FBXL17: variants seen among roughly 807,000 people sequenced by gnomAD.
FBXL17 encodes F-box/LRR-repeat protein 17.
In FBXL17, 22 loss-of-function variants were observed where a neutral mutation model predicts 66.2. The observed-to-expected ratio is 0.33, with a 90% confidence interval of 0.24 to 0.47. The LOEUF (loss-of-function observed/expected upper bound fraction) is 0.47, where lower values mean the gene tolerates loss of function less well. Among genes scored for constraint, FBXL17 ranks in the 20% least tolerant of loss-of-function variants. The pLI is 1.00. For missense variants in FBXL17, 878 were observed against 948.2 expected, an observed-to-expected ratio of 0.93 and a Z score of 0.97; for synonymous variants, 474 against 400.5, an observed-to-expected ratio of 1.18 and a Z score of -2.19.
intron 4 of FBXL17, among the ~76,000 whole-genome samples, chr5:108,289,801 C>T (rs535540604): frequency 1.5e-4 from 23 of 152,194 alleles, no homozygotes; most frequent in African/African-American, 5.5e-4. Flanking sequence ...GCCTAACAGC[C>T]ACGATAACAT....
intron 7 of FBXL17, among the ~76,000 whole-genome samples, chr5:108,018,174 G>A (rs1754454810): frequency 3.9e-5 from 6 of 152,082 alleles, no homozygotes; most frequent in Admixed American, 3.9e-4. Flanking sequence ...CAGAATCATG[G>A]GGTAGTCTCT....
chr5:108,362,084 G>A (rs1326668390), intron 3 of FBXL17, among the ~76,000 whole-genome samples: 4 of 152,088 alleles, frequency 2.6e-5, no homozygotes, highest in African/African-American at 9.7e-5. Context: ...GATAGTTTAG[G>A]CTTGTTTTTC....
intron 6 of FBXL17, among the ~76,000 whole-genome samples, chr5:108,153,584 G>A (rs1751852928): frequency 1.3e-5 from 2 of 152,014 alleles, no homozygotes; most frequent in Non-Finnish European, 2.9e-5. Context: ...CAGCCTTCAC[G>A]TTGCTGATCT....
At position 108,021,029 on chromosome 5, in the gene FBXL17, A is replaced by T. The variant is rs766629293; in HGVS notation, c.1746-28T>A. The T allele has an allele frequency of 1.9e-6, 3 of 1,538,658 alleles. No individual in the cohort carries two copies. The East Asian group carries it at 6.8e-5, about 35-fold the overall frequency. On this transcript the variant is annotated intron_variant, in intron 6 of 8. Transcript: ENST00000542267. ...GAAACATACAAAAAGTGGTTATACT[A>T]ATGCGTTTCAAGTTAAATTAGCAGG...
chr5:107,866,064 A>T (rs1344780141), intron 8 of FBXL17, among the ~76,000 whole-genome samples: 1 of 146,000 alleles, frequency 6.8e-6, no homozygotes, highest in Admixed American at 7.1e-5. Flanking sequence ...TATGTAATAT[A>T]AAAAGGGAAC....
chr5:107,949,557 T>G (rs936619596), intron 7 of FBXL17, among the ~76,000 whole-genome samples: 1 of 152,192 alleles, frequency 6.6e-6, no homozygotes, highest in Non-Finnish European at 1.5e-5. Context: ...TTATTAGAAC[T>G]ATCCAAAAAT....
intron 8 of FBXL17, among the ~76,000 whole-genome samples, chr5:107,865,236 GT>G (rs1163589134): frequency 1.3e-5 from 2 of 152,204 alleles, no homozygotes; most frequent in Non-Finnish European, 2.9e-5. Flanking sequence ...CAGGCAATTT[GT>G]TTTGGAGGGC....
intron 5 of FBXL17, among the ~76,000 whole-genome samples, chr5:108,186,723 C>T (rs562188371): frequency 6.7e-6 from 1 of 150,306 alleles, no homozygotes; most frequent in East Asian, 2.0e-4. Context: ...GAGCCCAGAT[C>T]GCATCACTGC....
chr5:108,060,202 C>A (rs1747868665), intron 6 of FBXL17, among the ~76,000 whole-genome samples: 1 of 151,546 alleles, frequency 6.6e-6, no homozygotes, highest in Non-Finnish European at 1.5e-5. Flanking sequence ...AGATATATCA[C>A]CACTAAAAAT....
intron 4 of FBXL17, among the ~76,000 whole-genome samples, chr5:108,307,970 CAT>C (rs1437081264): frequency 6.6e-6 from 1 of 151,966 alleles, no homozygotes; most frequent in African/African-American, 2.4e-5. Context: ...TAACGGAAAA[CAT>C]AATAAAATAT....
At chr5:108,172,982 G>A (rs1195802362) in intron 6 of FBXL17, among the ~76,000 whole-genome samples, 2 of 151,684 alleles carry the variant, frequency 1.3e-5, no homozygotes, top group African/African-American at 4.8e-5. Flanking sequence ...TATTTTTTTA[G>A]TAAAGACGGG....
chr5:107,867,255 A>G (rs1299021343), intron 8 of FBXL17, among the ~76,000 whole-genome samples: 1 of 152,206 alleles, frequency 6.6e-6, no homozygotes, highest in Admixed American at 6.5e-5. Flanking sequence ...TTCTGGATAC[A>G]TCTTCCCTAG....
intron 4 of FBXL17, among the ~76,000 whole-genome samples, chr5:108,256,967 T>C (rs1756602560): frequency 6.6e-6 from 1 of 152,148 alleles, no homozygotes; most frequent in South Asian, 2.1e-4. Flanking sequence ...ATGACAGTGG[T>C]GTCACTTTAG....
chr5:108,329,707 T>G (rs1481664813), intron 4 of FBXL17, among the ~76,000 whole-genome samples: 1 of 152,176 alleles, frequency 6.6e-6, no homozygotes, highest in Non-Finnish European at 1.5e-5. Flanking sequence ...CTTCTTTAAC[T>G]TTAATCTTCA....
chr5:108,381,499 C>T lies in FBXL17; in HGVS notation c.193G>A (p.Val65Met). ...FRGPCMLCFIVHSPGAPAPAG... is the reference protein window; with the variant it reads ...FRGPCMLCFIMHSPGAPAPAG... ...GGGGCGGGCGCGCCGGGACTGTGCACGATGAAGCAGAGCATGCAGGGCCCG... is the reference window on the plus strand; with the variant it reads ...GGGGCGGGCGCGCCGGGACTGTGCATGATGAAGCAGAGCATGCAGGGCCCG... The change falls in exon 1 of 9, where the codon GTG (valine) becomes ATG (methionine). Residue 65 changes from valine to methionine, a missense_variant. Physicochemically the swap from Val to Met is conservative, Grantham distance 21. Coordinates refer to ENST00000542267, the MANE Select transcript of FBXL17 (RefSeq NM_001163315.3). The T allele has an allele frequency of 7.2e-7, 1 of 1,392,514 alleles. No homozygotes were observed. Among genetic ancestry groups the T allele is most frequent in the Non-Finnish European group, 9.2e-7 (1 of 1,084,114 alleles). 86.3% of individuals were successfully genotyped at this position (1,392,514 alleles called of 1,614,324 possible). A position where few individuals can be genotyped will look rare whatever the true frequency, so the allele number is the denominator to read the frequency against.
rs182570624 is a variant in FBXL17 at position 108,345,111 on chromosome 5, G to A, written c.1506+3288C>T. 1.6e-4 allele frequency among the ~76,000 whole-genome samples: 25 copies of A among 152,136 alleles called. No individual in the cohort carries two copies. The East Asian group carries it at 4.3e-3, about 26-fold the overall frequency. ...GCACTTTGGGAGGCCGAGGTGGGCG[G>A]ATCATGAGGTCAGGAGTTCGAGACC... On this transcript the variant is annotated intron_variant, in intron 4 of 8. Transcript: ENST00000542267.
intron 7 of FBXL17, among the ~76,000 whole-genome samples, chr5:107,986,048 T>C (rs1428617418): frequency 1.3e-5 from 2 of 152,246 alleles, no homozygotes; most frequent in Admixed American, 6.5e-5. Flanking sequence ...AATAATATTA[T>C]ATGTGGTTAA....
chr5:108,348,776 T>C (rs1020886617), intron 3 of FBXL17, among the ~76,000 whole-genome samples: 1 of 152,166 alleles, frequency 6.6e-6, no homozygotes, highest in African/African-American at 2.4e-5. Flanking sequence ...GTATATTCCT[T>C]AACAGTTCAA....
At chr5:107,925,571 G>C (rs954738374) in intron 7 of FBXL17, among the ~76,000 whole-genome samples, 3 of 152,190 alleles carry the variant, frequency 2.0e-5, no homozygotes, top group South Asian at 4.1e-4. Context: ...GCAGCCCCTG[G>C]CCAATGACAG....
Sources: allele counts gnomAD v4.1 joint callset (sites outside exome capture counted in the v4.1 genomes callset), GRCh38; gene constraint gnomAD v4.1.1; transcripts MANE v1.5; gene names NCBI Gene and HGNC (gene_info 2026-07-23, HGNC 2026-07-21).